TENM3: variants seen among roughly 807,000 people sequenced by gnomAD.
TENM3 encodes teneurin-3.
In TENM3, 63 loss-of-function variants were observed where a neutral mutation model predicts 255.1. The ratio of observed to expected loss-of-function variants is 0.25; its 90% CI spans 0.20 to 0.30. The LOEUF is 0.30. Ranked by LOEUF, TENM3 falls within the 10% of genes least tolerant of loss-of-function variation. TENM3 has a pLI of 1.00. For synonymous variants in TENM3, 1,306 were observed against 1,322.3 expected, an observed-to-expected ratio of 0.99 and a Z score of 0.27; for missense variants, 2,929 against 3,461.1, an observed-to-expected ratio of 0.85 and a Z score of 3.86.
At chr4:181,736,363 G>A in the TENM3 span, among the ~76,000 whole-genome samples, 1 of 152,168 alleles carries the variant, frequency 6.6e-6, no homozygotes, top group African/African-American at 2.4e-5. Context: ...AAGAGTAGAG[G>A]TTGTCACACA....
chr4:182,054,261 G>C, the TENM3 span, among the ~76,000 whole-genome samples: 7 of 151,852 alleles, frequency 4.6e-5, no homozygotes, highest in African/African-American at 1.7e-4. Context: ...CAGTCCATCT[G>C]ATTGATTCAC....
the TENM3 span, among the ~76,000 whole-genome samples, chr4:181,466,059 C>T: frequency 6.6e-6 from 1 of 152,074 alleles, no homozygotes; most frequent in East Asian, 1.9e-4. Context: ...TTGACATCCA[C>T]CTAAACGTGG....
chr4:182,573,158 A>G (rs1285244902), intron 3 of TENM3, among the ~76,000 whole-genome samples: 1 of 152,166 alleles, frequency 6.6e-6, no homozygotes, highest in Non-Finnish European at 1.5e-5. Flanking sequence ...GGGATTTAAA[A>G]TTGAGTCAGC....
At chr4:181,660,944 G>A in the TENM3 span, among the ~76,000 whole-genome samples, 3 of 152,052 alleles carry the variant, frequency 2.0e-5, no homozygotes, top group Non-Finnish European at 2.9e-5. Context: ...CAACACAAAT[G>A]ATTTCTTTTT....
the TENM3 span, among the ~76,000 whole-genome samples, chr4:181,620,324 C>A: frequency 2.0e-5 from 3 of 151,914 alleles, no homozygotes; most frequent in African/African-American, 7.3e-5. Flanking sequence ...TTGGTGTACA[C>A]GGGGGATTGG....
chr4:182,241,973 A>G (rs6833423), upstream of TENM3, among the ~76,000 whole-genome samples: 53,393 of 137,142 alleles, frequency 0.39, 13,298 homozygotes, highest in African/African-American at 0.68. Flanking sequence ...CTCCACTGTC[A>G]GCCACATGCC....
chr4:182,290,746 G>A (rs964730596), intron 1 of TENM3, among the ~76,000 whole-genome samples: 24 of 151,144 alleles, frequency 1.6e-4, no homozygotes, highest in Non-Finnish European at 2.9e-4. Context: ...CTCGTGATCC[G>A]CCTGCCTCGG....
the TENM3 span, among the ~76,000 whole-genome samples, chr4:181,860,479 A>G: frequency 2.6e-5 from 4 of 152,228 alleles, no homozygotes; most frequent in African/African-American, 9.6e-5. Context: ...GAAACAGACA[A>G]TGCCATAGAC....
chr4:181,546,555 A>C, the TENM3 span, among the ~76,000 whole-genome samples: 1 of 131,660 alleles, frequency 7.6e-6, no homozygotes, highest in Admixed American at 9.1e-5. Context: ...CTCTACTAAA[A>C]ATACAAAAAT....
intron 1 of TENM3, among the ~76,000 whole-genome samples, chr4:182,176,240 C>T (rs941943524): frequency 7.2e-5 from 11 of 152,010 alleles, no homozygotes; most frequent in African/African-American, 2.2e-4. Context: ...ATTTGAGGGG[C>T]GGAGTAGCAT....
chr4:182,313,364 TGAG>T (rs1361707225), intron 1 of TENM3, among the ~76,000 whole-genome samples: 12 of 151,926 alleles, frequency 7.9e-5, no homozygotes, highest in African/African-American at 2.9e-4. Flanking sequence ...TCATCCATGA[TGAG>T]TAGTTTTGAA....
chr4:182,157,113 T>G (rs1332641043), intron 1 of TENM3, among the ~76,000 whole-genome samples: 1 of 152,314 alleles, frequency 6.6e-6, no homozygotes, highest in Non-Finnish European at 1.5e-5. Context: ...CATGCAGACG[T>G]TAGCAGTGCC....
chr4:182,231,797 G>A (rs1391059706), intron 1 of TENM3, among the ~76,000 whole-genome samples: 1 of 152,156 alleles, frequency 6.6e-6, no homozygotes. Flanking sequence ...GGATGCACCC[G>A]AGGTTAAGGA....
At chr4:182,323,020 A>G (rs1237447901) in intron 1 of TENM3, among the ~76,000 whole-genome samples, 3 of 152,136 alleles carry the variant, frequency 2.0e-5, no homozygotes, top group African/African-American at 7.2e-5. Flanking sequence ...GAGAGACAAC[A>G]TGAGAAGGAA....
intron 13 of TENM3, among the ~76,000 whole-genome samples, chr4:182,722,869 G>A (rs1561159710): frequency 6.6e-6 from 1 of 152,254 alleles, no homozygotes; most frequent in East Asian, 1.9e-4. Context: ...AGAGAGATTT[G>A]AGATGAAGAA....
chr4:182,733,824 A>G (rs1202116393), intron 16 of TENM3, among the ~76,000 whole-genome samples: 1 of 152,214 alleles, frequency 6.6e-6, no homozygotes, highest in Non-Finnish European at 1.5e-5. Context: ...CCCATCTTGC[A>G]GGAACTCTAA....
chr4:181,546,038 C>T, the TENM3 span, among the ~76,000 whole-genome samples: 3 of 152,180 alleles, frequency 2.0e-5, no homozygotes, highest in Non-Finnish European at 4.4e-5. Flanking sequence ...CACACACGGC[C>T]TGTTATTGCC....
chr4:181,905,606 A>C, the TENM3 span, among the ~76,000 whole-genome samples: 1 of 151,788 alleles, frequency 6.6e-6, no homozygotes, highest in South Asian at 2.1e-4. Flanking sequence ...GAAAAAAATT[A>C]GATAGCAAAT....
the TENM3 span, among the ~76,000 whole-genome samples, chr4:181,631,746 A>G: frequency 2.6e-5 from 4 of 152,178 alleles, no homozygotes; most frequent in Non-Finnish European, 5.9e-5. Context: ...CATCATATTC[A>G]GAGTCCCACT....
Sources: allele counts gnomAD v4.1 joint callset (sites outside exome capture counted in the v4.1 genomes callset), GRCh38; gene constraint gnomAD v4.1.1; transcripts MANE v1.5; gene names NCBI Gene and HGNC (gene_info 2026-07-23, HGNC 2026-07-21).